Variants in WDR76 observed in about 807,000 individuals in gnomAD.
WDR76 encodes the protein WD repeat domain 76.
Under a neutral mutation model 70.2 loss-of-function variants are expected in WDR76, and 52 were observed. That is an observed-to-expected ratio of 0.74 (90% CI 0.59 to 0.93). WDR76 has a LOEUF of 0.93. Ranked by LOEUF, WDR76 falls within the 40% of genes least tolerant of loss-of-function variation. The probability of loss-of-function intolerance (pLI) is 0.00; values close to 1 mark genes in which losing one functional copy is unlikely to be tolerated. For missense variants in WDR76, 756 were observed against 760.2 expected (o/e 0.99, Z 0.07); for synonymous variants, 292 against 271.1 (o/e 1.08, Z -0.76).
chr15:43,865,721 A>T (rs535674833), intron 12 of WDR76, among the ~76,000 whole-genome samples: 25 of 152,292 alleles, frequency 1.6e-4, no homozygotes, highest in African/African-American at 5.1e-4. Flanking sequence ...GTATATTTTT[A>T]AAAAATTTAT....
chr15:43,846,198 T>C (rs528744426), intron 8 of WDR76, among the ~76,000 whole-genome samples: 3 of 148,498 alleles, frequency 2.0e-5, no homozygotes, highest in African/African-American at 4.9e-5. Flanking sequence ...GCTTTGACAA[T>C]GAGGTAAGTA....
At chr15:43,857,459 AG>A in intron 10 of WDR76, 1 of 985,368 alleles carries the variant, frequency 1.0e-6, no homozygotes, top group Non-Finnish European at 1.2e-6. Context: ...CAGAAAAAAA[AG>A]TTACATGTGA....
chr15:43,850,989 A>G, intron 8 of WDR76, 98 bp from the exon 9 acceptor site: 1 of 1,397,798 alleles, frequency 7.2e-7, no homozygotes, highest in East Asian at 2.3e-5. Context: ...GACTGAATAT[A>G]ATCCAGTGTA....
At chr15:43,841,193 G>GTTTTT (rs1419399531) in intron 5 of WDR76, among the ~76,000 whole-genome samples, 56 of 118,736 alleles carry the variant, frequency 4.7e-4, no homozygotes, top group African/African-American at 9.9e-4. Flanking sequence ...GCTAAGTTTT[G>GTTTTT]TTTTTTTGTT....
rs763254055 is a variant in WDR76 at position 43,827,083 on chromosome 15, C to T, written c.51C>T (p.Pro17=). 3.7e-6 allele frequency: 6 copies of T among 1,613,550 alleles called. No homozygotes were observed. Among genetic ancestry groups the T allele is most frequent in the Non-Finnish European group, 5.1e-6 (6 of 1,179,956 alleles). Residue 17 remains proline, a synonymous_variant, in exon 1 of 13, where the codon CCC becomes CCT. Transcript: ENST00000263795. The part of the protein sequence containing the change: ...AAEKADSRQR[P]QMKVNEYKEN... Reference sequence around the variant, plus strand: ...AGAAGGCGGACTCCAGACAGCGACCCCAGATGAAGGTGAGAAACGGACTGG... The same window carrying T: ...AGAAGGCGGACTCCAGACAGCGACCTCAGATGAAGGTGAGAAACGGACTGG...
chr15:43,836,114 T>C (rs1377330963), intron 3 of WDR76, 47 bp from the exon 4 acceptor site: 1 of 1,550,412 alleles, frequency 6.4e-7, no homozygotes, highest in East Asian at 2.3e-5. Context: ...TTTTAAAAGG[T>C]AAGATACGTA....
In WDR76 at chr15:43,861,368, C is replaced by T. The variant is rs189864761; in HGVS notation, c.1598C>T (p.Pro533Leu). Residue 533 changes from proline (P) to leucine (L), a missense_variant, in exon 12 of 13, where the codon CCG becomes CTG. By Grantham distance (98) the Pro-to-Leu change is moderately conservative. Transcript: ENST00000263795. ...AGCAGCTGTATATCTTCTAAGATTC[C>T]GCTCCTCACCACCATCAGGTAGGCT... ...FDSSCISSKI[P>L]LLTTIRHNTF... 3.0e-5 allele frequency: 49 copies of T among 1,613,830 alleles called. No individual in the cohort carries two copies. The highest frequency in any genetic ancestry group is 2.2e-4 in the Admixed American group (13 of 60,016).
chr15:43,841,111 C>G (rs961076444), intron 5 of WDR76, among the ~76,000 whole-genome samples: 3 of 151,502 alleles, frequency 2.0e-5, no homozygotes, highest in Non-Finnish European at 4.4e-5. Context: ...ACCTCCGCCT[C>G]CCGGGTTCAA....
chr15:43,832,484 C>T (rs577139588), intron 2 of WDR76, among the ~76,000 whole-genome samples: 192 of 150,716 alleles, frequency 1.3e-3, no homozygotes, highest in Non-Finnish European at 2.2e-3. Context: ...CTCACCCTGT[C>T]GCCCAGGCTG....
intron 1 of WDR76, among the ~76,000 whole-genome samples, 199 bp from the exon 2 acceptor site, chr15:43,827,766 C>G (rs181631647): frequency 2.8e-4 from 42 of 152,212 alleles, no homozygotes; most frequent in Admixed American, 9.2e-4. Flanking sequence ...AGGATGGTCT[C>G]GATCTCCTGA....
intron 9 of WDR76, among the ~76,000 whole-genome samples, chr15:43,856,108 A>C (rs981580684): frequency 1.3e-5 from 2 of 152,234 alleles, no homozygotes; most frequent in African/African-American, 4.8e-5. Context: ...AGTTAATACT[A>C]TAAAACTACC....
At position 43,859,583 on chromosome 15, in the gene WDR76, G is replaced by C. The variant is rs1048827620; in HGVS notation, c.1562+760G>C. 5.3e-5 allele frequency among the ~76,000 whole-genome samples: 8 copies of C among 152,326 alleles called. 1 individual carries two copies. The highest frequency in any genetic ancestry group is 3.9e-4 in the Admixed American group (6 of 15,300). On this transcript the variant is annotated intron_variant, in intron 11 of 12. Transcript: ENST00000263795. ...TCTGTTTAAACCCACCTGATGGGAA[G>C]AGCGTGGTCTGCAGTGTGTGACAGG...
At chr15:43,842,564 A>G (rs370919130) in intron 6 of WDR76, 48 bp downstream of exon 6, 4 of 1,555,334 alleles carry the variant, frequency 2.6e-6, no homozygotes, top group Non-Finnish European at 2.6e-6. Flanking sequence ...TGTTAAGGAA[A>G]TATATATATA....
chr15:43,836,052 A>T, intron 3 of WDR76, 109 bp from the exon 4 acceptor site: 1 of 916,904 alleles, frequency 1.1e-6, no homozygotes, highest in Non-Finnish European at 1.6e-6. Flanking sequence ...AAGGATCTTT[A>T]GTTCCTGAAT....
intron 4 of WDR76, 119 bp downstream of exon 4, chr15:43,836,335 T>A: frequency 1.3e-6 from 1 of 768,028 alleles, no homozygotes; most frequent in Non-Finnish European, 2.0e-6. Context: ...TTAATCTCAG[T>A]CCCTCTAGGA....
intron 12 of WDR76, among the ~76,000 whole-genome samples, chr15:43,862,444 A>G (rs1367135864): frequency 2.7e-5 from 4 of 149,626 alleles, no homozygotes; most frequent in Non-Finnish European, 5.9e-5. Context: ...CAGCCTCCCA[A>G]GAAGCTGGGA....
At chr15:43,850,585 G>A (rs778033759) in intron 8 of WDR76, among the ~76,000 whole-genome samples, 4 of 152,124 alleles carry the variant, frequency 2.6e-5, no homozygotes, top group South Asian at 2.1e-4. Context: ...GTGAGCCACC[G>A]CGCCCGGCCA....
chr15:43,839,815 T>C, intron 5 of WDR76, 87 bp downstream of exon 5: 1 of 1,364,278 alleles, frequency 7.3e-7, no homozygotes, highest in Non-Finnish European at 9.8e-7. Flanking sequence ...GTTCATTAAA[T>C]TATGTTTAAT....
intron 1 of WDR76, 38 bp downstream of exon 1, chr15:43,827,130 C>T (rs1415528875): frequency 2.5e-6 from 4 of 1,613,966 alleles, no homozygotes; most frequent in Non-Finnish European, 3.4e-6. Flanking sequence ...TGTGCTCCTG[C>T]CTCGGTTTTT....
Sources: gnomAD v4.1 joint callset for allele counts (sites outside exome capture counted in the v4.1 genomes callset) on GRCh38, gnomAD v4.1.1 for gene constraint, MANE v1.5 for transcripts, NCBI Gene and HGNC (gene_info 2026-07-23, HGNC 2026-07-21) for gene names.